Variants in DNAJC13 observed in about 807,000 individuals in gnomAD.
DNAJC13 encodes the protein DnaJ heat shock protein family (Hsp40) member C13.
DNAJC13 carries 75 observed loss-of-function variants against 290.5 expected under a neutral mutation model. The ratio of observed to expected loss-of-function variants is 0.26; its 90% CI spans 0.21 to 0.31. The LOEUF is 0.31. DNAJC13 is among the 10% of genes least tolerant of loss of function. The pLI, the probability that DNAJC13 is intolerant of heterozygous loss-of-function variation, is 1.00. For synonymous variants in DNAJC13, 862 were observed against 892.0 expected (o/e 0.97, Z 0.60); for missense variants, 2,260 against 2,674.5 (o/e 0.85, Z 3.42).
chr3:132,428,585 C>T (rs1226511655), intron 1 of DNAJC13, among the ~76,000 whole-genome samples: 1 of 151,990 alleles, frequency 6.6e-6, no homozygotes, highest in African/African-American at 2.4e-5. Flanking sequence ...GCTAGGATTA[C>T]AGGCATGAGA....
Position 132,462,458 on chromosome 3 carries a change from A to T in DNAJC13, c.1714-9A>T. 6.2e-7 allele frequency: 1 copy of T among 1,606,938 alleles called. No individual in the cohort carries two copies. The highest frequency in any genetic ancestry group is 8.5e-7 in the Non-Finnish European group (1 of 1,177,652). On this transcript the variant is annotated splice_polypyrimidine_tract_variant and intron_variant, in intron 15 of 55. Coordinates refer to ENST00000260818, the MANE Select transcript of DNAJC13 (RefSeq NM_015268.4). ...TATTTTTTGATACTTTTTCCCCCTC[A>T]CTTTAAAGCATCCTTCCATGGCAAT...
In DNAJC13 at chr3:132,507,343, T is replaced by C. The variant is rs532168916; in HGVS notation, c.5105T>C (p.Phe1702Ser). Residue 1702 changes from phenylalanine to serine, a missense_variant, in exon 43 of 56, where the codon TTC becomes TCC. Physicochemically the swap from Phe to Ser is radical, Grantham distance 155 (BLOSUM62 -2). Transcript: ENST00000260818. ...FVRVYNEVPT[F>S]QLEVPKAFAA... is the part of the protein sequence containing the mutation. Reference sequence around the variant, plus strand: ...AGGGTGTATAATGAAGTTCCTACTTTCCAACTGGAGGTAAGCTCTCTGCTT... The same window carrying C: ...AGGGTGTATAATGAAGTTCCTACTTCCCAACTGGAGGTAAGCTCTCTGCTT... The C allele has an allele frequency of 3.2e-6, 5 of 1,582,468 alleles. No individual in the cohort carries two copies. The highest frequency in any genetic ancestry group is 2.2e-5 in the South Asian group (2 of 90,012).
At chr3:132,455,337 G>T (rs990266596) in intron 9 of DNAJC13, among the ~76,000 whole-genome samples, 1 of 152,200 alleles carries the variant, frequency 6.6e-6, no homozygotes, top group Non-Finnish European at 1.5e-5. Context: ...AAGACTGCCA[G>T]TGGCAGGTGT....
chr3:132,460,180 T>C, intron 13 of DNAJC13, 70 bp from the exon 14 acceptor site: 2 of 995,376 alleles, frequency 2.0e-6, no homozygotes, highest in Non-Finnish European at 3.0e-6. Context: ...TGTTTATAAA[T>C]GACTTTTGCG....
At chr3:132,431,656 G>T (rs1356343656) in intron 1 of DNAJC13, among the ~76,000 whole-genome samples, 2 of 152,148 alleles carry the variant, frequency 1.3e-5, no homozygotes, top group Admixed American at 1.3e-4. Context: ...TAAGAGAAAT[G>T]AGTATGTATG....
chr3:132,459,242 T>C (rs1186862934), intron 13 of DNAJC13, among the ~76,000 whole-genome samples: 2 of 152,230 alleles, frequency 1.3e-5, no homozygotes, highest in Non-Finnish European at 2.9e-5. Context: ...ATACAGTATT[T>C]GCTAAATGAG....
intron 43 of DNAJC13, among the ~76,000 whole-genome samples, chr3:132,508,256 C>G (rs1239748020): frequency 6.6e-6 from 1 of 152,166 alleles, no homozygotes; most frequent in Non-Finnish European, 1.5e-5. Flanking sequence ...AAAACTGTCT[C>G]CATAACCTAA....
chr3:132,463,140 T>C (rs1193116471), intron 16 of DNAJC13, among the ~76,000 whole-genome samples: 2 of 152,222 alleles, frequency 1.3e-5, no homozygotes, highest in Non-Finnish European at 2.9e-5. Flanking sequence ...TGAATACAAT[T>C]GAAGAAAGTC....
intron 2 of DNAJC13, among the ~76,000 whole-genome samples, chr3:132,438,126 T>C (rs1441154206): frequency 6.6e-6 from 1 of 152,136 alleles, no homozygotes; most frequent in African/African-American, 2.4e-5. Flanking sequence ...AGTGGAGTAT[T>C]GCCATCTTAA....
At chr3:132,520,202 A>G (rs1274101235) in intron 48 of DNAJC13, among the ~76,000 whole-genome samples, 1 of 152,204 alleles carries the variant, frequency 6.6e-6, no homozygotes, top group Non-Finnish European at 1.5e-5. Flanking sequence ...TGTTACAAAT[A>G]TTGAGCTCTT....
chr3:132,528,873 A>G (rs1936334638), intron 54 of DNAJC13, among the ~76,000 whole-genome samples: 1 of 151,054 alleles, frequency 6.6e-6, no homozygotes, highest in Admixed American at 6.6e-5. Context: ...AATTTTCCTC[A>G]TTGGTTTTAT....
chr3:132,520,143 C>G (rs1427744261), intron 48 of DNAJC13, among the ~76,000 whole-genome samples: 1 of 152,152 alleles, frequency 6.6e-6, no homozygotes, highest in African/African-American at 2.4e-5. Context: ...CAAACCATAT[C>G]AAAGGACCAT....
intron 48 of DNAJC13, among the ~76,000 whole-genome samples, chr3:132,518,368 T>C (rs1012316781): frequency 1.5e-4 from 23 of 152,220 alleles, no homozygotes; most frequent in Non-Finnish European, 3.1e-4. Flanking sequence ...TTTTTTGTTT[T>C]TGAGACAAGG....
At chr3:132,472,495 G>C (rs1038847285) in intron 20 of DNAJC13, 2 of 903,430 alleles carry the variant, frequency 2.2e-6, no homozygotes, top group African/African-American at 3.6e-5. Context: ...TAATTTAGCA[G>C]ATCTAGGCTC....
Position 132,432,348 on chromosome 3 carries a change from G to A in DNAJC13, c.-13-2190G>A, listed in dbSNP as rs368952942. 2.9e-4 allele frequency among the ~76,000 whole-genome samples: 44 copies of A among 152,080 alleles called. No homozygotes were observed. The East Asian group carries it at 7.5e-3, about 26-fold the overall frequency. ...CTCCCGGGTAGCTGGGATTACAGGC[G>A]TCTGCCACCACGCCCGGCTGATTTT... On this transcript the variant is annotated intron_variant, in intron 1 of 55. Transcript: ENST00000260818.
intron 29 of DNAJC13, among the ~76,000 whole-genome samples, chr3:132,486,603 G>T (rs921286273): frequency 1.3e-5 from 2 of 151,908 alleles, no homozygotes; most frequent in African/African-American, 4.8e-5. Flanking sequence ...TTTTTATATT[G>T]AGTTCAAAAA....
chr3:132,432,728 A>G (rs1171676101), intron 1 of DNAJC13, among the ~76,000 whole-genome samples: 2 of 152,224 alleles, frequency 1.3e-5, no homozygotes, highest in African/African-American at 4.8e-5. Flanking sequence ...TGGATTTTAT[A>G]TACTAAGTTA....
chr3:132,421,797 A>T (rs775778687), intron 1 of DNAJC13, among the ~76,000 whole-genome samples: 7 of 152,104 alleles, frequency 4.6e-5, no homozygotes, highest in Non-Finnish European at 1.0e-4. Flanking sequence ...TGGTGACTCA[A>T]ATACCACAAT....
chr3:132,448,515 G>A lies in DNAJC13; in HGVS notation c.336+576G>A, dbSNP rs1284082064. ...CATTTAAACTAAATCAGAGACTTCT[G>A]GGAAAGAGGAACAGGAGTGTAACCT... is the stretch of plus-strand genomic sequence containing the variant. On this transcript the variant is annotated intron_variant, in intron 5 of 55. Transcript: ENST00000260818. Among the ~76,000 whole-genome samples the A allele has an allele frequency of 2.6e-5, 4 of 152,064 alleles. No individual in the cohort carries two copies. The East Asian group carries it at 7.7e-4, about 29-fold the overall frequency.
Sources: allele counts gnomAD v4.1 joint callset (sites outside exome capture counted in the v4.1 genomes callset), GRCh38; gene constraint gnomAD v4.1.1; transcripts MANE v1.5; gene names NCBI Gene and HGNC (gene_info 2026-07-23, HGNC 2026-07-21).